Variants in HERC4 observed in about 807,000 individuals in gnomAD.
HERC4 encodes HECT and RLD domain containing E3 ubiquitin protein ligase 4, also known as probable E3 ubiquitin-protein ligase HERC4.
Under a neutral mutation model 124.3 loss-of-function variants are expected in HERC4, and 28 were observed. That is an observed-to-expected ratio of 0.23 (90% CI 0.17 to 0.31). The LOEUF is 0.31. Ranked by LOEUF, HERC4 falls within the 10% of genes least tolerant of loss-of-function variation. The probability of loss-of-function intolerance (pLI) is 1.00; values close to 1 mark genes in which losing one functional copy is unlikely to be tolerated. For synonymous variants in HERC4, 407 were observed against 421.5 expected (o/e 0.97, Z 0.42); for missense variants, 713 against 1,229.3 (o/e 0.58, Z 6.28).
chr10:67,940,711 C>T lies in HERC4; in HGVS notation c.2504+228G>A, dbSNP rs140092482. ...CCACCTGCCTCGGTCTCCCAAAATGCTAGGATTACAGGTGTGGGCCACTGG... is the reference window on the plus strand; with the variant it reads ...CCACCTGCCTCGGTCTCCCAAAATGTTAGGATTACAGGTGTGGGCCACTGG... On this transcript the variant is annotated intron_variant, in intron 20 of 24. Coordinates refer to ENST00000373700, the MANE Select transcript of HERC4 (RefSeq NM_015601.4). Among the ~76,000 whole-genome samples the T allele has an allele frequency of 4.2e-3, 644 of 152,248 alleles. 5 individuals carry two copies. Among genetic ancestry groups the T allele is most frequent in the African/African-American group, 0.015 (615 of 41,536 alleles).
At chr10:67,959,463 TA>T (rs200230859) in intron 16 of HERC4, among the ~76,000 whole-genome samples, 86 of 148,338 alleles carry the variant, frequency 5.8e-4, no homozygotes, top group East Asian at 3.7e-3. Flanking sequence ...GGCTTGGTCT[TA>T]AAAAAAAAAA....
At chr10:68,059,699 A>ATT (rs1564608759) in intron 3 of HERC4, among the ~76,000 whole-genome samples, 1 of 62,806 alleles carries the variant, frequency 1.6e-5, no homozygotes, top group Non-Finnish European at 2.2e-5. Context: ...TATATATTAT[A>ATT]ATATTATATA....
At chr10:68,072,630 G>T (rs1311543558) in intron 3 of HERC4, among the ~76,000 whole-genome samples, 1 of 151,866 alleles carries the variant, frequency 6.6e-6, no homozygotes, top group Non-Finnish European at 1.5e-5. Flanking sequence ...ATATACTGCA[G>T]GCTGATTTTC....
chr10:68,035,188 T>C (rs1371479263), intron 5 of HERC4, among the ~76,000 whole-genome samples: 2 of 151,512 alleles, frequency 1.3e-5, no homozygotes, highest in Non-Finnish European at 1.5e-5. Context: ...AGTCTTGCTC[T>C]GTCGCCCAGG....
chr10:67,972,288 G>A (rs1358046904), intron 15 of HERC4, among the ~76,000 whole-genome samples: 4 of 149,748 alleles, frequency 2.7e-5, no homozygotes, highest in East Asian at 2.0e-4. Context: ...TTGGGAGGCC[G>A]AGGTGGGCAG....
intron 19 of HERC4, among the ~76,000 whole-genome samples, chr10:67,953,760 G>A (rs1185987165): frequency 1.3e-5 from 2 of 152,088 alleles, no homozygotes; most frequent in Non-Finnish European, 2.9e-5. Context: ...CCTATGAATT[G>A]CACTACTAAG....
chr10:68,032,816 T>C lies in HERC4; in HGVS notation c.739A>G (p.Ile247Val). The change falls in exon 7 of 25, where the codon ATT becomes GTT. Residue 247 changes from isoleucine to valine, a missense_variant. Coordinates refer to ENST00000373700, the MANE Select transcript of HERC4 (RefSeq NM_015601.4). ...GCAGTATGATCTTCTCCACAACAAA[T>C]ATAAACTATTTTCTGAGATCTTAGT... ...KSLRSQKIVY[I>V]CCGEDHTAAL... is the part of the protein sequence containing the mutation. The C allele has an allele frequency of 6.3e-7, 1 of 1,587,508 alleles. No homozygotes were observed. The highest frequency in any genetic ancestry group is 8.6e-7 in the Non-Finnish European group (1 of 1,156,116).
At chr10:68,040,074 CTAAT>C (rs1236510736) in intron 4 of HERC4, 16 of 827,282 alleles carry the variant, frequency 1.9e-5, no homozygotes, top group Non-Finnish European at 2.3e-5. Flanking sequence ...ACTATAGTGC[CTAAT>C]TAATAGTACG....
At chr10:68,058,219 T>C (rs1355974800) in intron 3 of HERC4, among the ~76,000 whole-genome samples, 24 of 152,186 alleles carry the variant, frequency 1.6e-4, no homozygotes, top group Non-Finnish European at 5.9e-5. Context: ...CAAATAATTT[T>C]TTAAAATTTT....
At chr10:67,994,519 A>G (rs1201632973) in intron 9 of HERC4, 2 of 151,772 alleles carry the variant, frequency 1.3e-5, no homozygotes, top group East Asian at 3.9e-4. Context: ...CGCAACCTCC[A>G]TCTCCCAAGT....
At chr10:67,995,425 C>T (rs1390895084) in intron 9 of HERC4, 3 of 189,932 alleles carry the variant, frequency 1.6e-5, no homozygotes, top group South Asian at 1.7e-4. Context: ...ATTTACTGTC[C>T]TCTTGCTTTT....
intron 10 of HERC4, 91 bp downstream of exon 10, chr10:67,992,510 ATTACT>A: frequency 2.8e-6 from 3 of 1,053,282 alleles, no homozygotes; most frequent in Non-Finnish European, 4.2e-6. Context: ...AACTAAGGCA[ATTACT>A]TTGTAACATA....
intron 23 of HERC4, among the ~76,000 whole-genome samples, chr10:67,927,461 C>G (rs374636205): frequency 2.0e-4 from 23 of 114,746 alleles, no homozygotes; most frequent in African/African-American, 7.3e-4. Flanking sequence ...GAGTCTTGCT[C>G]TGTCACCAGG....
At chr10:67,951,955 C>T (rs550519605) in intron 19 of HERC4, among the ~76,000 whole-genome samples, 2 of 152,302 alleles carry the variant, frequency 1.3e-5, no homozygotes, top group South Asian at 4.1e-4. Context: ...CTCTCAGTTT[C>T]TGGACCTGTC....
intron 4 of HERC4, chr10:68,039,619 T>C (rs1208281693): frequency 7.2e-7 from 1 of 1,392,470 alleles, no homozygotes; most frequent in Non-Finnish European, 9.3e-7. Flanking sequence ...TGCTACAATT[T>C]AGCAGAATCC....
At chr10:67,933,659 C>A (rs1476001855) in intron 22 of HERC4, among the ~76,000 whole-genome samples, 1 of 152,052 alleles carries the variant, frequency 6.6e-6, no homozygotes, top group Non-Finnish European at 1.5e-5. Flanking sequence ...TTTTTCACAT[C>A]ATTTTAAAAA....
chr10:67,950,615 C>A (rs2033721965), intron 19 of HERC4, among the ~76,000 whole-genome samples: 1 of 152,052 alleles, frequency 6.6e-6, no homozygotes, highest in South Asian at 2.1e-4. Flanking sequence ...AAGATTATGG[C>A]AGTAAGGTTT....
chr10:67,979,981 C>T (rs2035832757), intron 15 of HERC4, among the ~76,000 whole-genome samples: 1 of 151,662 alleles, frequency 6.6e-6, no homozygotes, highest in African/African-American at 2.4e-5. Flanking sequence ...AAACAAATAA[C>T]ATACAATGGT....
At chr10:67,934,948 C>T (rs187017038) in intron 22 of HERC4, among the ~76,000 whole-genome samples, 3 of 148,156 alleles carry the variant, frequency 2.0e-5, no homozygotes, top group Non-Finnish European at 3.0e-5. Context: ...TTCATTCATT[C>T]CAATTCTTTC....
Sources: gnomAD v4.1 joint callset for allele counts (sites outside exome capture counted in the v4.1 genomes callset) on GRCh38, gnomAD v4.1.1 for gene constraint, MANE v1.5 for transcripts, NCBI Gene and HGNC (gene_info 2026-07-23, HGNC 2026-07-21) for gene names.